The following ACTR10 variants were observed in gnomAD, a reference collection of about 807,000 sequenced individuals.
ACTR10 encodes actin related protein 10.
ACTR10 carries 43 observed loss-of-function variants against 56.2 expected under a neutral mutation model. The ratio of observed to expected loss-of-function variants is 0.77; its 90% confidence interval spans 0.60 to 0.99. The LOEUF (loss-of-function observed/expected upper bound fraction) is 0.99. Among genes scored for constraint, ACTR10 ranks in the 50% least tolerant of loss-of-function variants. The probability of loss-of-function intolerance (pLI) is 0.00; values close to 1 mark genes in which losing one functional copy is unlikely to be tolerated. For missense variants in ACTR10, 466 were observed against 507.8 expected (o/e 0.92, Z 0.79); for synonymous variants, 170 against 176.3 (o/e 0.96, Z 0.28).
chr14:58,210,998 T>G, intron 4 of ACTR10: 1 of 274,894 alleles, frequency 3.6e-6, no homozygotes, highest in Non-Finnish European at 7.0e-6. Flanking sequence ...TTTTATCCCT[T>G]TCAATTTTCC....
At chr14:58,222,043 T>G (rs541220824) in intron 8 of ACTR10, among the ~76,000 whole-genome samples, 1 of 152,300 alleles carries the variant, frequency 6.6e-6, no homozygotes, top group African/African-American at 2.4e-5. Flanking sequence ...TAGTAGCATA[T>G]TGTGGATTCT....
intron 8 of ACTR10, 59 bp from the exon 9 acceptor site, chr14:58,223,563 G>A (rs759846705): frequency 1.6e-5 from 22 of 1,362,054 alleles, no homozygotes; most frequent in South Asian, 5.1e-5. Flanking sequence ...TGGGGTGTAG[G>A]TACACTCTGT....
intron 1 of ACTR10, among the ~76,000 whole-genome samples, chr14:58,200,692 G>C (rs554188688): frequency 4.0e-4 from 61 of 152,308 alleles, no homozygotes; most frequent in African/African-American, 1.4e-3. Context: ...ATAAAATATT[G>C]AACGGAGTTT....
chr14:58,205,146 G>T (rs1414087070), intron 2 of ACTR10, among the ~76,000 whole-genome samples: 1 of 151,662 alleles, frequency 6.6e-6, no homozygotes, highest in African/African-American at 2.4e-5. Flanking sequence ...ACTTGAACCC[G>T]GGAGGTGGAG....
At chr14:58,227,407 C>G (rs1429002712) in intron 10 of ACTR10, among the ~76,000 whole-genome samples, 1 of 152,200 alleles carries the variant, frequency 6.6e-6, no homozygotes, top group Non-Finnish European at 1.5e-5. Flanking sequence ...TTCTTCTAGA[C>G]TTTTACAGTT....
intron 10 of ACTR10, among the ~76,000 whole-genome samples, chr14:58,227,410 T>C (rs772165696): frequency 3.9e-5 from 6 of 152,250 alleles, no homozygotes; most frequent in Admixed American, 3.3e-4. Context: ...TTCTAGACTT[T>C]TACAGTTGTC....
chr14:58,218,545 C>A (rs944144659), intron 7 of ACTR10, among the ~76,000 whole-genome samples: 1 of 151,764 alleles, frequency 6.6e-6, no homozygotes, highest in South Asian at 2.1e-4. Context: ...AGATAAAAAT[C>A]TTTTGCAATA....
intron 2 of ACTR10, among the ~76,000 whole-genome samples, chr14:58,206,597 C>G (rs1888869273): frequency 6.6e-6 from 1 of 152,216 alleles, no homozygotes; most frequent in Admixed American, 6.5e-5. Context: ...GCTGATGGTA[C>G]TTCTTTTGAA....
chr14:58,211,489 T>G, intron 5 of ACTR10, 90 bp downstream of exon 5: 8 of 930,616 alleles, frequency 8.6e-6, no homozygotes, highest in Non-Finnish European at 1.4e-5. Flanking sequence ...TGTATTGTAC[T>G]GAACTATTTT....
intron 10 of ACTR10, 114 bp from the exon 11 acceptor site, chr14:58,230,285 G>A: frequency 1.9e-6 from 1 of 514,020 alleles, no homozygotes; most frequent in South Asian, 4.3e-5. Context: ...ATTATTCTTT[G>A]TTAATGTAGT....
At chr14:58,200,332 G>T in intron 1 of ACTR10, 38 bp downstream of exon 1, 1 of 1,459,016 alleles carries the variant, frequency 6.9e-7, no homozygotes. Context: ...CGACCCGAGG[G>T]GAGGGCGGGT....
chr14:58,200,395 C>T (rs1888676936), intron 1 of ACTR10, 101 bp downstream of exon 1: 19 of 917,654 alleles, frequency 2.1e-5, no homozygotes, highest in Non-Finnish European at 2.8e-5. Flanking sequence ...CTGGGCAGCT[C>T]CGGGCCTCCC....
At chr14:58,219,035 G>A (rs975504684) in intron 7 of ACTR10, among the ~76,000 whole-genome samples, 1 of 152,092 alleles carries the variant, frequency 6.6e-6, no homozygotes, top group Non-Finnish European at 1.5e-5. Flanking sequence ...GGTCAGGCTG[G>A]TCTTGAACTC....
chr14:58,215,359 T>C lies in ACTR10; in HGVS notation c.598+75T>C, dbSNP rs1452069934. 4 of 904,562 alleles carry C rather than the reference T, an allele frequency of 4.4e-6. No individual in the cohort carries two copies. In the African/African-American group the frequency reaches 6.7e-5, roughly 15 times the overall value. The allele number at this position is 904,562 out of a possible 1,614,324, so 56.0% of individuals were successfully genotyped here. A position where few individuals can be genotyped will look rare whatever the true frequency, so the allele number is the denominator to read the frequency against. On this transcript the variant is annotated intron_variant, in intron 7 of 12. Transcript: ENST00000254286. ...CTTCAACTTGTATTTTAGTCTTTGC[T>C]CCATTGCATGATTATTCTCTTTTCT...
At chr14:58,212,482 A>G (rs1002397938) in intron 5 of ACTR10, among the ~76,000 whole-genome samples, 1 of 152,212 alleles carries the variant, frequency 6.6e-6, no homozygotes, top group African/African-American at 2.4e-5. Flanking sequence ...ATCTACATGT[A>G]TATTTATTAG....
At chr14:58,213,531 C>A in intron 5 of ACTR10, 100 bp from the exon 6 acceptor site, 1 of 611,112 alleles carries the variant, frequency 1.6e-6, no homozygotes. Flanking sequence ...AAAAATTTGT[C>A]ACTAAAGCAT....
intron 4 of ACTR10, among the ~76,000 whole-genome samples, chr14:58,210,766 C>CT (rs1209488744): frequency 1.3e-5 from 2 of 151,852 alleles, no homozygotes; most frequent in Non-Finnish European, 2.9e-5. Flanking sequence ...CCTCCGCCTC[C>CT]TGGGTTCAAG....
intron 7 of ACTR10, among the ~76,000 whole-genome samples, chr14:58,215,684 C>A (rs2140051988): frequency 6.6e-6 from 1 of 152,080 alleles, no homozygotes; most frequent in Non-Finnish European, 1.5e-5. Flanking sequence ...GTGATCTTAT[C>A]TACTCCCACA....
intron 6 of ACTR10, among the ~76,000 whole-genome samples, chr14:58,214,616 G>A (rs916446464): frequency 6.6e-6 from 1 of 150,934 alleles, no homozygotes; most frequent in African/African-American, 2.4e-5. Flanking sequence ...TCAGCCTCCC[G>A]AGTAGCTGGG....
Sources: allele counts gnomAD v4.1 joint callset (sites outside exome capture counted in the v4.1 genomes callset), GRCh38; gene constraint gnomAD v4.1.1; transcripts MANE v1.5; gene names NCBI Gene and HGNC (gene_info 2026-07-23, HGNC 2026-07-21).